Variants in C13orf42 observed in about 807,000 individuals in gnomAD.
C13orf42 encodes the protein uncharacterized protein C13orf42.
At position 51,163,366 on chromosome 13, in the gene C13orf42, G is replaced by A. The variant is rs115419313; in HGVS notation, n.136+8887C>T. Among the ~76,000 whole-genome samples the A allele has an allele frequency of 1.5e-3, 227 of 152,250 alleles. 1 individual carries two copies. The highest frequency in any genetic ancestry group is 5.3e-3 in the African/African-American group (220 of 41,526). On this transcript the variant is annotated intron_variant and non_coding_transcript_variant, in intron 1 of 4. Transcript: ENST00000433280. The stretch of plus-strand genomic sequence containing the variant: ...TATTTCATCATAGTCAGAAGGTGAG[G>A]TCTGTTGTGCCAGACCCCTACTGAC...
chr13:51,144,775 G>A (rs769346566), intron 1 of C13orf42, among the ~76,000 whole-genome samples: 2 of 152,158 alleles, frequency 1.3e-5, no homozygotes, highest in Non-Finnish European at 2.9e-5. Context: ...CCAACTCATG[G>A]GTATTTGATG....
At chr13:51,087,887 G>A (rs951206213) in intron 2 of C13orf42, 41 bp downstream of exon 2, 10 of 398,548 alleles carry the variant, frequency 2.5e-5, no homozygotes, top group Middle Eastern at 6.2e-4. Context: ...AGCCCCACCC[G>A]CCTTCAGCCA....
intron 1 of C13orf42, among the ~76,000 whole-genome samples, chr13:51,119,112 G>A (rs1413658520): frequency 6.6e-6 from 1 of 151,994 alleles, no homozygotes; most frequent in Non-Finnish European, 1.5e-5. Context: ...TGTATGGTGT[G>A]CCCAGGCGTA....
intron 1 of C13orf42, among the ~76,000 whole-genome samples, chr13:51,149,344 G>A (rs1346578123): frequency 6.6e-6 from 1 of 151,330 alleles, no homozygotes; most frequent in Non-Finnish European, 1.5e-5. Context: ...TAAAAATCTG[G>A]TTTCTGTATC....
chr13:51,103,658 G>A (rs192587305), intron 1 of C13orf42, among the ~76,000 whole-genome samples: 80 of 152,100 alleles, frequency 5.3e-4, no homozygotes, highest in Admixed American at 7.2e-4. Context: ...CCAAGATCGC[G>A]CCACTGCATA....
At position 51,090,710 on chromosome 13, in the gene C13orf42, G is replaced by A. The variant is rs567362985; in HGVS notation, c.415-2635C>T. ...CTAGCAGCTCAAAGCAGCCTCAGTC[G>A]GTTGCTGTTAATTGTTAAAGAGTTA... On this transcript the variant is annotated intron_variant, in intron 1 of 3. Transcript: ENST00000563710. 9.9e-5 allele frequency among the ~76,000 whole-genome samples: 15 copies of A among 152,260 alleles called. No homozygotes were observed. In the South Asian group the frequency reaches 1.7e-3, roughly 17 times the overall value.
chr13:51,161,087 C>CT lies in C13orf42; in HGVS notation n.136+11165dup, dbSNP rs1223443271. Among the ~76,000 whole-genome samples the CT allele has an allele frequency of 5.3e-3, 534 of 101,668 alleles. 6 individuals carry two copies. Among genetic ancestry groups the CT allele is most frequent in the African/African-American group, 0.015 (497 of 33,530 alleles). The allele number at this position is 101,668 out of a possible 152,430, so 66.7% of individuals were successfully genotyped here. On this transcript the variant is annotated intron_variant and non_coding_transcript_variant, in intron 1 of 4. Transcript: ENST00000433280. Reference sequence around the variant, plus strand: ...GCTGTGGAATCTTCAGGACTTTTTTCTTTTTTTTTTTCCAGTTGCACCTAA... The same window carrying CT: ...GCTGTGGAATCTTCAGGACTTTTTTCTTTTTTTTTTTTCCAGTTGCACCTAA...
chr13:51,082,699 A>G lies in C13orf42; in HGVS notation c.*1452T>C, dbSNP rs1477667688. The G allele has an allele frequency of 6.6e-6, 1 of 152,258 alleles. No individual in the cohort carries two copies. Among genetic ancestry groups the G allele is most frequent in the East Asian group, 1.9e-4 (1 of 5,202 alleles). The allele number at this position is 152,258 out of a possible 1,614,324, so 9.4% of individuals were successfully genotyped here. A position where few individuals can be genotyped will look rare whatever the true frequency, so the allele number is the denominator to read the frequency against. ...TTACTTTCCAGTCAAGCTTCTGGCTATAGCTGGGTTAGTACAAGCAACAAA... is the reference window on the plus strand; with the variant it reads ...TTACTTTCCAGTCAAGCTTCTGGCTGTAGCTGGGTTAGTACAAGCAACAAA... On this transcript the variant is annotated 3_prime_UTR_variant, in exon 4 of 4. Coordinates refer to ENST00000563710, the MANE Select transcript of C13orf42 (RefSeq NM_001351589.3).
At chr13:51,120,117 G>T (rs1227632535) in intron 1 of C13orf42, among the ~76,000 whole-genome samples, 1 of 152,132 alleles carries the variant, frequency 6.6e-6, no homozygotes, top group Non-Finnish European at 1.5e-5. Flanking sequence ...TAATGTAAAT[G>T]GTTTCATCTG....
At chr13:51,154,270 T>C (rs896413625) in intron 1 of C13orf42, among the ~76,000 whole-genome samples, 5 of 152,210 alleles carry the variant, frequency 3.3e-5, no homozygotes, top group African/African-American at 1.2e-4. Flanking sequence ...CTTTTGGCTA[T>C]TGTAAGTAAT....
intron 1 of C13orf42, among the ~76,000 whole-genome samples, chr13:51,125,428 G>A (rs554958597): frequency 3.0e-4 from 45 of 152,198 alleles, no homozygotes; most frequent in Non-Finnish European, 5.1e-4. Flanking sequence ...TATGCTTGTC[G>A]AGAATGTATA....
chr13:51,132,523 C>CA (rs1422910793), intron 1 of C13orf42, among the ~76,000 whole-genome samples: 2 of 152,066 alleles, frequency 1.3e-5, no homozygotes, highest in Admixed American at 6.5e-5. Flanking sequence ...TGTTGGAACT[C>CA]AGAGTTATGA....
chr13:51,142,109 GGT>G (rs2138030923), intron 1 of C13orf42, among the ~76,000 whole-genome samples: 1 of 152,304 alleles, frequency 6.6e-6, no homozygotes, highest in South Asian at 2.1e-4. Context: ...CATTGATACA[GGT>G]TTAATGAAAA....
At chr13:51,104,270 G>GA (rs2137994564) in intron 1 of C13orf42, among the ~76,000 whole-genome samples, 1 of 152,230 alleles carries the variant, frequency 6.6e-6, no homozygotes, top group African/African-American at 2.4e-5. Context: ...TGATAATTTG[G>GA]AAAAGCTCAT....
At chr13:51,094,798 A>G (rs1953216028) in intron 1 of C13orf42, among the ~76,000 whole-genome samples, 1 of 152,062 alleles carries the variant, frequency 6.6e-6, no homozygotes, top group Admixed American at 6.6e-5. Context: ...CACTTTAAAG[A>G]TACCACTTTT....
chr13:51,085,294 C>A lies in C13orf42; in HGVS notation c.803+25G>T. 7.5e-6 allele frequency: 3 copies of A among 398,018 alleles called. No individual in the cohort carries two copies. In the South Asian group the frequency reaches 3.9e-4, roughly 52 times the overall value. The allele number at this position is 398,018 out of a possible 1,614,324, so 24.7% of individuals were successfully genotyped here. A position where few individuals can be genotyped will look rare whatever the true frequency, so the allele number is the denominator to read the frequency against. ...CTGGAGGCCACGAGAACATCTTGGTCATGCTATTTAGCCCAAGCACTTACT... is the reference window on the plus strand; with the variant it reads ...CTGGAGGCCACGAGAACATCTTGGTAATGCTATTTAGCCCAAGCACTTACT... On this transcript the variant is annotated intron_variant, in intron 3 of 3. Transcript: ENST00000563710.
intron 1 of C13orf42, among the ~76,000 whole-genome samples, chr13:51,137,773 C>G (rs1378059986): frequency 1.3e-5 from 2 of 152,180 alleles, no homozygotes; most frequent in African/African-American, 4.8e-5. Context: ...AGCCAGAAAA[C>G]TAAAAATCAC....
intron 1 of C13orf42, among the ~76,000 whole-genome samples, chr13:51,153,029 C>T (rs551068740): frequency 6.6e-5 from 10 of 152,254 alleles, no homozygotes; most frequent in African/African-American, 2.2e-4. Flanking sequence ...GTGCACTTGC[C>T]CAGCCCCACA....
intron 1 of C13orf42, among the ~76,000 whole-genome samples, chr13:51,140,552 A>G (rs1219312877): frequency 6.6e-6 from 1 of 152,192 alleles, no homozygotes; most frequent in Non-Finnish European, 1.5e-5. Flanking sequence ...TTATGGCTCA[A>G]ACCAATAGGA....
Sources: gnomAD v4.1 joint callset for allele counts (sites outside exome capture counted in the v4.1 genomes callset) on GRCh38, gnomAD v4.1.1 for gene constraint, MANE v1.5 for transcripts, NCBI Gene and HGNC (gene_info 2026-07-23, HGNC 2026-07-21) for gene names.